Variants in SIN3A observed in about 807,000 individuals in gnomAD.
The protein encoded by SIN3A is SIN3 transcription regulator family member A, also known as paired amphipathic helix protein Sin3a.
A neutral mutation model predicts 146.1 loss-of-function variants in SIN3A; 14 were observed. The ratio of observed to expected loss-of-function variants is 0.10; its 90% confidence interval spans 0.06 to 0.15. The LOEUF is 0.15. Ranked by LOEUF, SIN3A falls within the 10% of genes least tolerant of loss-of-function variation. SIN3A has a pLI of 1.00. For synonymous variants in SIN3A, 572 were observed against 572.0 expected (o/e 1.00, Z 0.00); for missense variants, 1,028 against 1,576.0 (o/e 0.65, Z 5.89).
intron 6 of SIN3A, among the ~76,000 whole-genome samples, chr15:75,410,994 C>T (rs2073627595): frequency 7.3e-6 from 1 of 136,174 alleles, no homozygotes; most frequent in Middle Eastern, 4.5e-3. Context: ...AAAAAAAAAT[C>T]CTGACTGAAT....
chr15:75,388,768 T>C (rs1345295459), intron 16 of SIN3A: 1 of 152,834 alleles, frequency 6.5e-6, no homozygotes, highest in Non-Finnish European at 1.5e-5. Flanking sequence ...TTCAGCTCTT[T>C]GGCATATGGG....
intron 2 of SIN3A, among the ~76,000 whole-genome samples, chr15:75,428,821 G>C (rs549226890): frequency 1.3e-5 from 2 of 152,128 alleles, no homozygotes; most frequent in East Asian, 3.9e-4. Context: ...ACTTATACAT[G>C]GATTTTCTCC....
chr15:75,376,703 A>T (rs7184009), intron 19 of SIN3A, among the ~76,000 whole-genome samples: 84,786 of 150,978 alleles, frequency 0.56, 24,564 homozygotes, highest in African/African-American at 0.71. Flanking sequence ...ACAAAAAAAA[A>T]AAAAAAATTA....
chr15:75,417,726 C>T (rs1036755017), intron 3 of SIN3A, among the ~76,000 whole-genome samples: 4 of 152,234 alleles, frequency 2.6e-5, no homozygotes, highest in South Asian at 2.1e-4. Flanking sequence ...CATTTACATT[C>T]AAGTCAATCA....
intron 15 of SIN3A, 59 bp from the exon 16 acceptor site, chr15:75,389,880 G>T: frequency 6.5e-7 from 1 of 1,543,048 alleles, no homozygotes. Context: ...TAGGGATAGA[G>T]TACAGGGCAA....
chr15:75,376,627 C>T (rs1419046232), intron 19 of SIN3A, among the ~76,000 whole-genome samples: 1 of 151,310 alleles, frequency 6.6e-6, no homozygotes, highest in East Asian at 1.9e-4. Context: ...CTTTGGGAGG[C>T]AGGTGGATTG....
intron 16 of SIN3A, among the ~76,000 whole-genome samples, chr15:75,385,871 G>A (rs1050949858): frequency 6.6e-6 from 1 of 152,096 alleles, no homozygotes; most frequent in Non-Finnish European, 1.5e-5. Flanking sequence ...AATGAGTCCA[G>A]ATAAAGGATT....
At chr15:75,372,262 C>T in intron 20 of SIN3A, 53 bp from the exon 21 acceptor site, 1 of 1,247,776 alleles carries the variant, frequency 8.0e-7, no homozygotes, top group Non-Finnish European at 1.1e-6. Flanking sequence ...CAAAAAAGAG[C>T]CCTTCAAATA....
At chr15:75,452,329 G>C (rs1019924725), upstream of SIN3A, among the ~76,000 whole-genome samples, 10 of 152,302 alleles carry the variant, frequency 6.6e-5, no homozygotes, top group East Asian at 1.5e-3. Context: ...AGAGACTGAA[G>C]CTCGGAGTTC....
At chr15:75,405,929 C>T (rs574104562) in intron 9 of SIN3A, among the ~76,000 whole-genome samples, 11 of 152,024 alleles carry the variant, frequency 7.2e-5, no homozygotes, top group East Asian at 1.9e-4. Context: ...GAGCACCAAC[C>T]GCCCAAGCAG....
chr15:75,440,770 C>T (rs2074193846), intron 1 of SIN3A, among the ~76,000 whole-genome samples: 1 of 151,812 alleles, frequency 6.6e-6, no homozygotes, highest in Non-Finnish European at 1.5e-5. Context: ...ATTACGAGGT[C>T]AGGAGATCGA....
chr15:75,392,894 A>T, intron 14 of SIN3A, 79 bp from the exon 15 acceptor site: 2 of 1,041,880 alleles, frequency 1.9e-6, no homozygotes, highest in South Asian at 3.0e-5. Flanking sequence ...TCAGCCATAC[A>T]TCCCATTATC....
At chr15:75,373,270 C>T (rs1223893177) in intron 20 of SIN3A, among the ~76,000 whole-genome samples, 1 of 152,056 alleles carries the variant, frequency 6.6e-6, no homozygotes, top group Non-Finnish European at 1.5e-5. Flanking sequence ...CCCAGCTACT[C>T]GAGAGGCTGA....
In SIN3A at chr15:75,391,201, T is replaced by G. The variant is rs529224330; in HGVS notation, c.2851+1041A>C. On this transcript the variant is annotated intron_variant, in intron 15 of 20. Coordinates refer to ENST00000394947, the MANE Select transcript of SIN3A (RefSeq NM_001145358.2). Reference sequence around the variant, plus strand: ...CTGCTTTTATGCCAGAATAAAGTTTTGAGTCCAAACCACAGATTTGTCCAA... The same window carrying G: ...CTGCTTTTATGCCAGAATAAAGTTTGGAGTCCAAACCACAGATTTGTCCAA... 3.9e-5 allele frequency among the ~76,000 whole-genome samples: 6 copies of G among 152,302 alleles called. No homozygotes were observed. The East Asian group carries it at 9.6e-4, about 24-fold the overall frequency.
chr15:75,381,536 G>T, intron 18 of SIN3A, 77 bp downstream of exon 18: 1 of 1,124,754 alleles, frequency 8.9e-7, no homozygotes, highest in South Asian at 1.3e-5. Flanking sequence ...CCTTTTGGCA[G>T]ACAGGGTCAC....
At chr15:75,443,532 A>T (rs944855869) in intron 1 of SIN3A, 1 of 152,156 alleles carries the variant, frequency 6.6e-6, no homozygotes, top group African/African-American at 2.4e-5. Context: ...CCTAGACAAC[A>T]TGGCGAAACG....
chr15:75,423,270 C>T (rs912160957), intron 2 of SIN3A, among the ~76,000 whole-genome samples: 5 of 151,138 alleles, frequency 3.3e-5, no homozygotes, highest in Admixed American at 6.6e-5. Context: ...AGAATGAGAC[C>T]GTCTCTAAAA....
chr15:75,412,647 C>G, intron 5 of SIN3A, 116 bp downstream of exon 5: 1 of 1,090,002 alleles, frequency 9.2e-7, no homozygotes. Context: ...TTTTCTATGA[C>G]GAAATCTTTG....
intron 16 of SIN3A, among the ~76,000 whole-genome samples, chr15:75,387,358 C>G (rs138590794): frequency 6.6e-6 from 1 of 151,924 alleles, no homozygotes; most frequent in East Asian, 1.9e-4. Flanking sequence ...AACTCCATCT[C>G]TACAAAAAAT....
Sources: gnomAD v4.1 joint callset for allele counts (sites outside exome capture counted in the v4.1 genomes callset) on GRCh38, gnomAD v4.1.1 for gene constraint, MANE v1.5 for transcripts, NCBI Gene and HGNC (gene_info 2026-07-23, HGNC 2026-07-21) for gene names.